Variants in AUTS2 observed in about 807,000 individuals in gnomAD.
AUTS2 encodes the protein activator of transcription and developmental regulator AUTS2, also known as autism susceptibility gene 2 protein.
Under a neutral mutation model 112.4 loss-of-function variants are expected in AUTS2, and 17 were observed. The observed-to-expected ratio is 0.15, with a 90% CI of 0.10 to 0.23. The LOEUF is 0.23. Among genes scored for constraint, AUTS2 ranks in the 10% least tolerant of loss-of-function variants. The pLI is 1.00. For missense variants in AUTS2, 1,510 were observed against 1,701.6 expected, an observed-to-expected ratio of 0.89 and a Z score of 1.98; for synonymous variants, 751 against 702.7, an observed-to-expected ratio of 1.07 and a Z score of -1.09.
At chr7:70,136,930 T>C (rs966063412) in intron 4 of AUTS2, among the ~76,000 whole-genome samples, 1 of 152,190 alleles carries the variant, frequency 6.6e-6, no homozygotes, top group African/African-American at 2.4e-5. Flanking sequence ...GTTAATAAAA[T>C]AGACACCTGA....
intron 2 of AUTS2, among the ~76,000 whole-genome samples, chr7:70,012,047 C>T (rs1799830546): frequency 6.6e-6 from 1 of 152,284 alleles, no homozygotes. Flanking sequence ...AGTCATCATG[C>T]TAAGTTCTCT....
In AUTS2 at chr7:70,511,992, G is replaced by T. The variant is rs73450513; in HGVS notation, c.690+76211G>T. Among the ~76,000 whole-genome samples, 1,311 of 152,270 alleles carry T rather than the reference G, an allele frequency of 8.6e-3. 20 individuals carry two copies. The highest frequency in any genetic ancestry group is 0.03 in the African/African-American group (1,244 of 41,544). ...CACCCAACTTCATGAGCTTATAAAT[G>T]ACAAAGTAAATACAAAATTTCTATA... On this transcript the variant is annotated intron_variant, in intron 5 of 18. Transcript: ENST00000342771.
chr7:69,840,095 T>A (rs1791907776), intron 1 of AUTS2, among the ~76,000 whole-genome samples: 1 of 152,162 alleles, frequency 6.6e-6, no homozygotes, highest in Non-Finnish European at 1.5e-5. Context: ...TCACTAACTT[T>A]TTCCCCCTCT....
At chr7:70,162,097 A>C (rs1170572325) in intron 4 of AUTS2, among the ~76,000 whole-genome samples, 1 of 152,128 alleles carries the variant, frequency 6.6e-6, no homozygotes, top group Admixed American at 6.5e-5. Context: ...TAAGAGGACA[A>C]TTTTTAATTA....
At chr7:69,626,868 A>C (rs957568732) in intron 1 of AUTS2, among the ~76,000 whole-genome samples, 9 of 152,242 alleles carry the variant, frequency 5.9e-5, no homozygotes, top group Non-Finnish European at 1.3e-4. Context: ...CTGACAGCTA[A>C]ATAGCCTGTT....
At chr7:70,333,031 A>ACATT (rs1040743576) in intron 4 of AUTS2, among the ~76,000 whole-genome samples, 7 of 152,352 alleles carry the variant, frequency 4.6e-5, no homozygotes, top group Admixed American at 1.3e-4. Flanking sequence ...CAGGCAACCT[A>ACATT]CAGAATGGGA....
chr7:70,189,339 C>T (rs372992909), intron 4 of AUTS2, among the ~76,000 whole-genome samples: 5 of 152,158 alleles, frequency 3.3e-5, no homozygotes, highest in South Asian at 2.1e-4. Context: ...AGCCCAACTC[C>T]CTACTGTGGC....
At chr7:69,929,026 G>A (rs997282547) in intron 2 of AUTS2, among the ~76,000 whole-genome samples, 1 of 152,156 alleles carries the variant, frequency 6.6e-6, no homozygotes, top group Non-Finnish European at 1.5e-5. Context: ...TTGCCTGAAG[G>A]CCTTCTTTTA....
intron 1 of AUTS2, among the ~76,000 whole-genome samples, chr7:69,726,598 A>G (rs575815169): frequency 6.6e-6 from 1 of 150,750 alleles, no homozygotes; most frequent in South Asian, 2.1e-4. Flanking sequence ...ATGTCAGTGT[A>G]TGTTTAACTT....
chr7:70,091,737 G>T (rs1363356582), intron 2 of AUTS2, among the ~76,000 whole-genome samples: 1 of 152,134 alleles, frequency 6.6e-6, no homozygotes, highest in East Asian at 1.9e-4. Flanking sequence ...TGGGTCCTGT[G>T]GTAATCATCT....
intron 2 of AUTS2, among the ~76,000 whole-genome samples, chr7:70,082,423 T>C (rs2129565187): frequency 6.6e-6 from 1 of 152,356 alleles, no homozygotes; most frequent in East Asian, 1.9e-4. Context: ...GGGGAGGTTT[T>C]ACTTGTGCAT....
At chr7:70,080,693 C>G (rs1387166189) in intron 2 of AUTS2, among the ~76,000 whole-genome samples, 1 of 152,146 alleles carries the variant, frequency 6.6e-6, no homozygotes, top group African/African-American at 2.4e-5. Flanking sequence ...GAATGTAGCT[C>G]TGTGTCTTAA....
chr7:70,460,461 C>T (rs1202737442), intron 5 of AUTS2, among the ~76,000 whole-genome samples: 3 of 150,464 alleles, frequency 2.0e-5, no homozygotes, highest in Non-Finnish European at 4.4e-5. Flanking sequence ...AGTGATTCTC[C>T]GGCCTCAGCC....
intron 4 of AUTS2, among the ~76,000 whole-genome samples, chr7:70,382,486 C>G (rs952643566): frequency 6.6e-6 from 1 of 152,138 alleles, no homozygotes; most frequent in Non-Finnish European, 1.5e-5. Context: ...AATGGAAATT[C>G]CTCTATCTGG....
At chr7:70,768,294 A>G (rs1268605390) in intron 10 of AUTS2, among the ~76,000 whole-genome samples, 1 of 152,222 alleles carries the variant, frequency 6.6e-6, no homozygotes, top group East Asian at 1.9e-4. Context: ...GCTTGAAAGC[A>G]GAGTTGCTCT....
chr7:70,096,599 T>TAAAAAAAAAAAAAAAAA (rs374942971), intron 2 of AUTS2, among the ~76,000 whole-genome samples: 1 of 84,696 alleles, frequency 1.2e-5, no homozygotes, highest in African/African-American at 4.5e-5. Context: ...AACTCCATCT[T>TAAAAAAAAAAAAAAAAA]AAAAAAAAAA....
intron 4 of AUTS2, among the ~76,000 whole-genome samples, chr7:70,430,857 A>G (rs1435259130): frequency 3.7e-4 from 37 of 100,476 alleles, no homozygotes; most frequent in African/African-American, 1.6e-3. Flanking sequence ...TTTTTTTGAG[A>G]CGGAGTCTCG....
rs567354186 is a variant in AUTS2, at chr7:70,790,831, C to T, written c.3615C>T (p.Asn1205=). The T allele has an allele frequency of 8.1e-6, 13 of 1,606,816 alleles. No individual in the cohort carries two copies. The highest frequency in any genetic ancestry group is 5.6e-5 in the South Asian group (5 of 89,938). The change falls in exon 19 of 19, where the codon AAC becomes AAT. Residue 1205 remains asparagine (N), a synonymous_variant. Transcript: ENST00000342771. The surrounding 1 kb of genome is among the most constrained non-coding windows in gnomAD (Gnocchi z 7.6). ...PRISPTAGNQ[N]GLLNKTPPTA... is the part of the protein sequence containing the mutation. ...TCAGCCCCACCGCGGGCAACCAGAA[C>T]GGACTCCTCAACAAGACCCCTCCGA...
chr7:70,414,730 C>T (rs1039207146), intron 4 of AUTS2, among the ~76,000 whole-genome samples: 2 of 152,172 alleles, frequency 1.3e-5, no homozygotes, highest in African/African-American at 4.8e-5. Flanking sequence ...ACTGAGGTCC[C>T]ATCGCCGTCT....
Sources: gnomAD v4.1 joint callset for allele counts (sites outside exome capture counted in the v4.1 genomes callset) on GRCh38, gnomAD v4.1.1 for gene constraint, Gnocchi (gnomAD v3.1) non-coding constraint, MANE v1.5 for transcripts, NCBI Gene and HGNC (gene_info 2026-07-23, HGNC 2026-07-21) for gene names.